The following PCDHA10 variants were observed in gnomAD, a reference collection of about 807,000 sequenced individuals.
PCDHA10 encodes the protein protocadherin alpha-10.
A neutral mutation model predicts 61.2 loss-of-function variants in PCDHA10; 45 were observed. The ratio of observed to expected loss-of-function variants is 0.74; its 90% confidence interval spans 0.58 to 0.94. The LOEUF is 0.94. Ranked by LOEUF, PCDHA10 falls within the 40% of genes least tolerant of loss-of-function variation. The pLI, the probability that PCDHA10 is intolerant of heterozygous loss-of-function variation, is 0.00. For synonymous variants in PCDHA10, 602 were observed against 548.8 expected (o/e 1.10, Z -1.35); for missense variants, 1,278 against 1,236.2 (o/e 1.03, Z -0.51).
rs781814958 is a variant in PCDHA10 at position 140,869,604 on chromosome 5, A to G, written c.2388+11168A>G. On this transcript the variant is annotated intron_variant, in intron 1 of 3. Transcript: ENST00000307360. ...ATGCTGACATTGAAGAGAATGCTCTATTGACCTACAGGCTAAGTAAAAATG... is the reference window on the plus strand; with the variant it reads ...ATGCTGACATTGAAGAGAATGCTCTGTTGACCTACAGGCTAAGTAAAAATG... 5 of 1,613,944 alleles carry G rather than the reference A, an allele frequency of 3.1e-6. No individual in the cohort carries two copies. In the African/African-American group the frequency reaches 4.0e-5, roughly 13 times the overall value.
intron 1 of PCDHA10, chr5:140,867,147 C>T (rs1554160998): frequency 6.6e-6 from 1 of 152,068 alleles, no homozygotes; most frequent in East Asian, 1.9e-4. Flanking sequence ...TATCATTTTT[C>T]CAGAGTAAAC....
Position 140,927,804 on chromosome 5 carries a change from G to T in PCDHA10, c.2389-51145G>T, listed in dbSNP as rs112037348. The T allele has an allele frequency of 8.3e-4, 1,346 of 1,614,160 alleles. 11 individuals carry two copies. The African/African-American group carries it at 0.015, about 18-fold the overall frequency. On this transcript the variant is annotated intron_variant, in intron 1 of 3. Coordinates refer to ENST00000307360, the MANE Select transcript of PCDHA10 (RefSeq NM_018901.4). Reference sequence around the variant, plus strand: ...CTGCTTCACTAGGTCCGCCTGAAACGCTCTTGGAGGCATACATTGAGGCGA... The same window carrying T: ...CTGCTTCACTAGGTCCGCCTGAAACTCTCTTGGAGGCATACATTGAGGCGA...
At chr5:140,875,207 C>A in intron 1 of PCDHA10, 3 of 660,292 alleles carry the variant, frequency 4.5e-6, no homozygotes, top group Non-Finnish European at 6.7e-6. Flanking sequence ...AGTGGCTAAA[C>A]CGAAAAGAAC....
At chr5:140,966,925 A>T in intron 1 of PCDHA10, 8 of 1,603,462 alleles carry the variant, frequency 5.0e-6, no homozygotes, top group African/African-American at 1.3e-5. Context: ...AGGAGCAGGC[A>T]CCCGGCGCGC....
intron 1 of PCDHA10, among the ~76,000 whole-genome samples, chr5:140,921,914 TA>T (rs2080487852): frequency 6.6e-6 from 1 of 152,014 alleles, no homozygotes; most frequent in Admixed American, 6.6e-5. Context: ...TATTACATGA[TA>T]AAACTTATAG....
intron 3 of PCDHA10, among the ~76,000 whole-genome samples, chr5:141,003,809 G>C (rs1554259330): frequency 6.6e-6 from 1 of 152,290 alleles, no homozygotes; most frequent in African/African-American, 2.4e-5. Flanking sequence ...GTAATCTGTA[G>C]TCTGGGAAGG....
chr5:140,965,942 C>G (rs2095950444), intron 1 of PCDHA10, among the ~76,000 whole-genome samples: 2 of 152,330 alleles, frequency 1.3e-5, no homozygotes, highest in Admixed American at 1.3e-4. Flanking sequence ...AAGAGGGCAG[C>G]ATTTGCCATC....
intron 1 of PCDHA10, chr5:140,877,726 C>T (rs781814794): frequency 6.2e-7 from 1 of 1,614,174 alleles, no homozygotes; most frequent in African/African-American, 1.3e-5. Context: ...GTCTTACTCG[C>T]AGCAGAGGAG....
At position 140,870,679 on chromosome 5, in the gene PCDHA10, G is replaced by C. The variant is rs202117527; in HGVS notation, c.2388+12243G>C. ...CGCGCTGCAGCCGTTGGACCACGAG[G>C]AGCTGGAGCTGCTACAGTTCCAGGT... On this transcript the variant is annotated intron_variant, in intron 1 of 3. Coordinates refer to ENST00000307360, the MANE Select transcript of PCDHA10 (RefSeq NM_018901.4). 1.0e-4 allele frequency: 164 copies of C among 1,612,742 alleles called. No individual in the cohort carries two copies. The African/African-American group carries it at 1.9e-3, about 19-fold the overall frequency.
chr5:140,877,835 G>A, intron 1 of PCDHA10: 11 of 1,586,326 alleles, frequency 6.9e-6, no homozygotes, highest in Non-Finnish European at 9.4e-6. Context: ...AATCCTCCCA[G>A]TGAAGTAAGT....
chr5:140,995,284 G>A (rs1439846116), intron 3 of PCDHA10, among the ~76,000 whole-genome samples: 2 of 152,112 alleles, frequency 1.3e-5, no homozygotes, highest in African/African-American at 4.8e-5. Flanking sequence ...TACCAAAACA[G>A]CCAGTCGGAT....
intron 1 of PCDHA10, among the ~76,000 whole-genome samples, chr5:140,899,991 G>C (rs2067668603): frequency 6.6e-6 from 1 of 151,712 alleles, no homozygotes; most frequent in African/African-American, 2.4e-5. Context: ...GATTTTTTTT[G>C]TAGAGATGAG....
At chr5:140,883,974 G>A (rs782820820) in intron 1 of PCDHA10, 6 of 1,612,844 alleles carry the variant, frequency 3.7e-6, no homozygotes, top group African/African-American at 2.7e-5. Flanking sequence ...CTGACGCCCG[G>A]GGCTGGCAGC....
intron 1 of PCDHA10, among the ~76,000 whole-genome samples, chr5:140,950,750 C>T (rs1320735521): frequency 3.3e-5 from 5 of 151,928 alleles, no homozygotes; most frequent in Non-Finnish European, 7.4e-5. Flanking sequence ...TCTCTCTATC[C>T]TTTCTGGACT....
intron 1 of PCDHA10, among the ~76,000 whole-genome samples, chr5:140,921,048 T>C (rs1554200052): frequency 6.6e-6 from 1 of 152,052 alleles, no homozygotes; most frequent in African/African-American, 2.4e-5. Context: ...GGGGCAATCA[T>C]AGCTCACTCT....
chr5:141,010,462 T>A lies in PCDHA10; in HGVS notation c.*525T>A. On this transcript the variant is annotated 3_prime_UTR_variant, in exon 4 of 4. Transcript: ENST00000307360. ...ACAAATAAACAGCGGAAGTTATCAGTATGGAGGGGAAGTGTAAACTTAAAG... is the reference window on the plus strand; with the variant it reads ...ACAAATAAACAGCGGAAGTTATCAGAATGGAGGGGAAGTGTAAACTTAAAG... The A allele has an allele frequency of 2.4e-6, 2 of 822,568 alleles. No individual in the cohort carries two copies. Among genetic ancestry groups the A allele is most frequent in the Non-Finnish European group, 3.6e-6 (2 of 552,664 alleles). The allele number at this position is 822,568 out of a possible 1,614,324, so 51.0% of individuals were successfully genotyped here.
chr5:140,861,339 C>A lies in PCDHA10; in HGVS notation c.2388+2903C>A. ...TTCCACTACACCATCCTGGAAGAGG[C>A]CAAGGACGGCACATAGCGTCTTCGC... On this transcript the variant is annotated intron_variant, in intron 1 of 3. Transcript: ENST00000307360. 4 of 274,788 alleles carry A rather than the reference C, an allele frequency of 1.5e-5. No homozygotes were observed. The South Asian group carries it at 1.7e-4, about 12-fold the overall frequency. The allele number at this position is 274,788 out of a possible 1,614,324, so 17.0% of individuals were successfully genotyped here.
At chr5:140,944,678 A>G (rs1483326984) in intron 1 of PCDHA10, among the ~76,000 whole-genome samples, 4 of 152,162 alleles carry the variant, frequency 2.6e-5, no homozygotes, top group African/African-American at 9.7e-5. Context: ...TATTCTGTGT[A>G]TCCTATTAAT....
chr5:140,980,057 C>T (rs559895684), intron 2 of PCDHA10, among the ~76,000 whole-genome samples: 2 of 152,272 alleles, frequency 1.3e-5, no homozygotes, highest in East Asian at 3.9e-4. Context: ...GATTCAGAAG[C>T]AATCAGTGAA....
Sources: allele counts gnomAD v4.1 joint callset (sites outside exome capture counted in the v4.1 genomes callset), GRCh38; gene constraint gnomAD v4.1.1; transcripts MANE v1.5; gene names NCBI Gene and HGNC (gene_info 2026-07-23, HGNC 2026-07-21).